Variants in NYAP2 observed in about 807,000 individuals in gnomAD.
NYAP2 encodes neuronal tyrosine-phosphorylated phosphoinositide-3-kinase adaptor 2.
Under a neutral mutation model 50.4 loss-of-function variants are expected in NYAP2, and 23 were observed. That is an observed-to-expected ratio of 0.46 (90% CI 0.33 to 0.65). NYAP2 has a LOEUF of 0.65. Ranked by LOEUF, NYAP2 falls within the 30% of genes least tolerant of loss-of-function variation. The pLI is 0.02. For missense variants in NYAP2, 885 were observed against 861.0 expected (o/e 1.03, Z -0.35); for synonymous variants, 394 against 365.2 (o/e 1.08, Z -0.90).
chr2:225,632,018 G>A (rs866104276), intron 6 of NYAP2, among the ~76,000 whole-genome samples: 4 of 151,968 alleles, frequency 2.6e-5, no homozygotes, highest in South Asian at 2.1e-4. Flanking sequence ...GGGTTTCATC[G>A]CATTGATCAG....
intron 4 of NYAP2, among the ~76,000 whole-genome samples, chr2:225,566,148 T>G (rs1174373105): frequency 6.6e-6 from 1 of 152,170 alleles, no homozygotes; most frequent in South Asian, 2.1e-4. Flanking sequence ...CCAAAGCGCA[T>G]TGTCTGATAC....
chr2:225,588,798 C>T (rs770826738), intron 5 of NYAP2, among the ~76,000 whole-genome samples: 16 of 152,302 alleles, frequency 1.1e-4, no homozygotes, highest in Middle Eastern at 3.4e-3. Flanking sequence ...TTGACCCGAA[C>T]AGGGGAGGCC....
chr2:225,436,961 G>A (rs1315687484), intron 3 of NYAP2, among the ~76,000 whole-genome samples: 1 of 151,980 alleles, frequency 6.6e-6, no homozygotes, highest in South Asian at 2.1e-4. Flanking sequence ...ACCCACCAGG[G>A]CAAGGCTTGG....
At chr2:225,541,854 A>T (rs926379338) in intron 4 of NYAP2, among the ~76,000 whole-genome samples, 7 of 152,116 alleles carry the variant, frequency 4.6e-5, no homozygotes, top group African/African-American at 1.4e-4. Flanking sequence ...TAAAGGTTGC[A>T]TTGAATCTGG....
intron 3 of NYAP2, among the ~76,000 whole-genome samples, chr2:225,469,848 C>T (rs535176473): frequency 5.3e-5 from 8 of 151,154 alleles, no homozygotes; most frequent in South Asian, 2.1e-4. Context: ...TGTGACCTGT[C>T]GGGGGATGGG....
In NYAP2 at chr2:225,595,291, G is replaced by C. The variant is rs117727613; in HGVS notation, c.1618+12256G>C. ...ACGTTAGATCCAACCATAGTGCTAT[G>C]GGTGGATAATTCTAATGCATCTTTT... On this transcript the variant is annotated intron_variant, in intron 5 of 6. Transcript: ENST00000636099. 2.6e-5 allele frequency among the ~76,000 whole-genome samples: 4 copies of C among 152,262 alleles called. No homozygotes were observed. The East Asian group carries it at 7.7e-4, about 29-fold the overall frequency.
chr2:225,655,919 CACACACACATACACACAT>C (rs1321802368), downstream of NYAP2, among the ~76,000 whole-genome samples: 47 of 137,532 alleles, frequency 3.4e-4, no homozygotes, highest in African/African-American at 1.2e-3. Context: ...CACACACACA[CACACACACATACACACAT>C]ACACACACAC....
chr2:225,417,886 A>G (rs1043824039), intron 3 of NYAP2, among the ~76,000 whole-genome samples: 1 of 152,278 alleles, frequency 6.6e-6, no homozygotes. Context: ...TGAACAGAAT[A>G]CCAAAACATG....
rs1031635079 is a variant in NYAP2 at position 225,456,118 on chromosome 2, G to T, written c.221+47017G>T. Among the ~76,000 whole-genome samples the T allele has an allele frequency of 2.6e-5, 4 of 152,276 alleles. No individual in the cohort carries two copies. In the East Asian group the frequency reaches 7.7e-4, roughly 29 times the overall value. ...TGCAGTTCTCAGATGAAAGACATTTGTCACACATTACATTTGCATATGAGT... is the reference window on the plus strand; with the variant it reads ...TGCAGTTCTCAGATGAAAGACATTTTTCACACATTACATTTGCATATGAGT... On this transcript the variant is annotated intron_variant, in intron 3 of 6. Transcript: ENST00000636099.
intron 5 of NYAP2, among the ~76,000 whole-genome samples, chr2:225,603,009 T>G (rs1400777364): frequency 6.6e-6 from 1 of 152,172 alleles, no homozygotes; most frequent in Non-Finnish European, 1.5e-5. Flanking sequence ...GGATTGTTTT[T>G]GGGGATTACA....
In NYAP2 at chr2:225,532,215, A is replaced by G. The variant is rs560276444; in HGVS notation, c.523+18543A>G. Reference sequence around the variant, plus strand: ...CTTTTTTTCCATTATGTAGGGATCCAGCTTTTGAGCAGTTCTTCACCCTAC... The same window carrying G: ...CTTTTTTTCCATTATGTAGGGATCCGGCTTTTGAGCAGTTCTTCACCCTAC... On this transcript the variant is annotated intron_variant, in intron 4 of 6. Transcript: ENST00000636099. Among the ~76,000 whole-genome samples, 73 of 152,234 alleles carry G rather than the reference A, an allele frequency of 4.8e-4. 1 individual carries two copies. In the South Asian group the frequency reaches 8.7e-3, roughly 18 times the overall value.
chr2:225,619,103 T>A (rs1465238223), intron 5 of NYAP2, among the ~76,000 whole-genome samples: 1 of 152,240 alleles, frequency 6.6e-6, no homozygotes, highest in Admixed American at 6.5e-5. Flanking sequence ...GAAAAAATAA[T>A]TCTTAGCATT....
intron 3 of NYAP2, among the ~76,000 whole-genome samples, chr2:225,504,236 C>A (rs906787196): frequency 6.6e-6 from 1 of 152,134 alleles, no homozygotes; most frequent in Non-Finnish European, 1.5e-5. Flanking sequence ...GGTCCTGCTT[C>A]GTGGTTCATT....
At chr2:225,451,971 T>C (rs778381338) in intron 3 of NYAP2, among the ~76,000 whole-genome samples, 12 of 152,016 alleles carry the variant, frequency 7.9e-5, no homozygotes, top group Non-Finnish European at 1.3e-4. Context: ...CACACGTATA[T>C]ATACACACAC....
At chr2:225,398,883 T>C (rs1301172353), upstream of NYAP2, among the ~76,000 whole-genome samples, 1 of 152,098 alleles carries the variant, frequency 6.6e-6, no homozygotes, top group African/African-American at 2.4e-5. Context: ...TAATGTAATG[T>C]GTTGATTTTA....
intron 6 of NYAP2, among the ~76,000 whole-genome samples, chr2:225,632,438 G>A (rs1693336401): frequency 6.6e-6 from 1 of 152,102 alleles, no homozygotes; most frequent in African/African-American, 2.4e-5. Flanking sequence ...ACTTCTACCA[G>A]TCACAGGCTA....
chr2:225,684,771 G>A, the NYAP2 span, among the ~76,000 whole-genome samples: 9 of 151,984 alleles, frequency 5.9e-5, no homozygotes, highest in Non-Finnish European at 8.8e-5. Context: ...GGCTGGTCTC[G>A]AACTCCCGGC....
chr2:225,444,007 T>C (rs1689512710), intron 3 of NYAP2, among the ~76,000 whole-genome samples: 1 of 152,214 alleles, frequency 6.6e-6, no homozygotes, highest in Admixed American at 6.5e-5. Context: ...AGCTGCTACT[T>C]AGATTCAAAT....
chr2:225,490,563 G>A (rs140798769), intron 3 of NYAP2, among the ~76,000 whole-genome samples: 78 of 152,236 alleles, frequency 5.1e-4, no homozygotes, highest in African/African-American at 1.8e-3. Flanking sequence ...CTGTTCTACA[G>A]CAAGGCCTCC....
Sources: allele counts gnomAD v4.1 joint callset (sites outside exome capture counted in the v4.1 genomes callset), GRCh38; gene constraint gnomAD v4.1.1; transcripts MANE v1.5; gene names NCBI Gene and HGNC (gene_info 2026-07-23, HGNC 2026-07-21).